The following HOMER2 variants were observed in gnomAD, a reference collection of about 807,000 sequenced individuals.
HOMER2 encodes the protein homer scaffold protein 2, also known as homer protein homolog 2.
HOMER2 carries 27 observed loss-of-function variants against 47.0 expected under a neutral mutation model. The ratio of observed to expected loss-of-function variants is 0.57; its 90% CI spans 0.42 to 0.79. The LOEUF (loss-of-function observed/expected upper bound fraction) is 0.79, where lower values mean the gene tolerates loss of function less well. Among genes scored for constraint, HOMER2 ranks in the 30% least tolerant of loss-of-function variants. HOMER2 has a pLI of 0.00. For synonymous variants in HOMER2, 161 were observed against 163.8 expected (o/e 0.98, Z 0.13); for missense variants, 443 against 435.0 (o/e 1.02, Z -0.16).
At chr15:82,983,100 A>G (rs990258508) in intron 1 of HOMER2, among the ~76,000 whole-genome samples, 7 of 152,252 alleles carry the variant, frequency 4.6e-5, no homozygotes, top group African/African-American at 1.7e-4. Flanking sequence ...AAACATGCTC[A>G]GAACACTTAC....
chr15:82,855,685 A>G (rs770793711), intron 5 of HOMER2, among the ~76,000 whole-genome samples: 3 of 152,212 alleles, frequency 2.0e-5, no homozygotes, highest in Non-Finnish European at 2.9e-5. Flanking sequence ...GGGGCACAAC[A>G]GGGGTCTGGA....
chr15:82,956,248 AAAAAAAAAAG>A (rs1294230818), upstream of HOMER2, among the ~76,000 whole-genome samples: 1 of 151,624 alleles, frequency 6.6e-6, no homozygotes, highest in Non-Finnish European at 1.5e-5. Flanking sequence ...TCAAAAAAAA[AAAAAAAAAAG>A]AAGAGGCTTG....
Position 82,864,266 on chromosome 15 carries a change from A to G in HOMER2, c.295-7T>C. 6.2e-7 allele frequency: 1 copy of G among 1,602,016 alleles called. No homozygotes were observed. The highest frequency in any genetic ancestry group is 8.5e-7 in the Non-Finnish European group (1 of 1,170,528). ...CCTGGAATTTCTCTGCAAACTGAAC[A>G]TGAAGAATAGTTATTAAGGCTTTTA... is the stretch of plus-strand genomic sequence containing the variant. On this transcript the variant is annotated splice_polypyrimidine_tract_variant and splice_region_variant and intron_variant, in intron 3 of 8. Transcript: ENST00000450735.
At chr15:82,900,555 T>C (rs1363923175) in intron 1 of HOMER2, among the ~76,000 whole-genome samples, 3 of 152,170 alleles carry the variant, frequency 2.0e-5, no homozygotes, top group Non-Finnish European at 2.9e-5. Context: ...ATCTCAGATA[T>C]TGAAATGTAT....
rs556410821 is a variant in HOMER2 at position 82,914,066 on chromosome 15, G to A, written c.6-21225C>T. Among the ~76,000 whole-genome samples the A allele has an allele frequency of 6.6e-5, 10 of 152,176 alleles. No homozygotes were observed. The East Asian group carries it at 1.9e-3, about 29-fold the overall frequency. ...AAAGGAATGAAAGTCGGCCAGGTGC[G>A]GTGGCTTATGCCTGTAATCCCAGAC... On this transcript the variant is annotated intron_variant, in intron 1 of 8. Transcript: ENST00000450735.
At chr15:82,952,728 CG>C (rs2054537038), upstream of HOMER2, 7 of 980,648 alleles carry the variant, frequency 7.1e-6, no homozygotes, top group Non-Finnish European at 8.5e-6. Flanking sequence ...CGCGGGCGGG[CG>C]GGGGCTGGGC....
At chr15:82,848,415 G>A (rs2051285743), downstream of HOMER2, among the ~76,000 whole-genome samples, 1 of 152,178 alleles carries the variant, frequency 6.6e-6, no homozygotes, top group Non-Finnish European at 1.5e-5. Flanking sequence ...AGCCATTATT[G>A]CCACACACGG....
chr15:82,858,253 T>C (rs2051652336), intron 5 of HOMER2, among the ~76,000 whole-genome samples: 1 of 152,190 alleles, frequency 6.6e-6, no homozygotes, highest in Admixed American at 6.5e-5. Context: ...TAATAGTTTA[T>C]GTTTTCACAT....
At chr15:82,935,131 T>C (rs1271505795) in intron 1 of HOMER2, among the ~76,000 whole-genome samples, 3 of 152,174 alleles carry the variant, frequency 2.0e-5, no homozygotes, top group African/African-American at 7.2e-5. Context: ...CTGCATCTCC[T>C]GCCTTCAATG....
intron 5 of HOMER2, among the ~76,000 whole-genome samples, chr15:82,856,827 G>A (rs2051603357): frequency 6.6e-6 from 1 of 152,182 alleles, no homozygotes; most frequent in East Asian, 1.9e-4. Context: ...GGCCAACTCT[G>A]TGGCGGCTCT....
intron 1 of HOMER2, among the ~76,000 whole-genome samples, chr15:82,919,134 G>A (rs1443402784): frequency 1.3e-5 from 2 of 152,156 alleles, no homozygotes; most frequent in African/African-American, 2.4e-5. Flanking sequence ...TATTTTCCAT[G>A]TGTCCGTGAC....
At chr15:82,839,891 A>G (rs2051158990) in exon 2 of HOMER2, 1 of 152,224 alleles carries the variant, frequency 6.6e-6, no homozygotes, top group South Asian at 2.1e-4. Context: ...AGGTCTCAAG[A>G]AAACATCCAT....
chr15:82,846,384 T>A (rs1043949458), downstream of HOMER2: 5 of 152,230 alleles, frequency 3.3e-5, no homozygotes, highest in Non-Finnish European at 4.4e-5. Context: ...TAACAAACAT[T>A]CCTAAATGTC....
intron 5 of HOMER2, among the ~76,000 whole-genome samples, chr15:82,858,725 ACT>A (rs1485341252): frequency 3.3e-5 from 5 of 151,788 alleles, no homozygotes; most frequent in African/African-American, 7.3e-5. Context: ...AATCACACAC[ACT>A]CTGACACTAC....
chr15:82,856,459 A>T (rs1201087376), intron 5 of HOMER2, among the ~76,000 whole-genome samples: 1 of 152,164 alleles, frequency 6.6e-6, no homozygotes, highest in South Asian at 2.1e-4. Context: ...CTACAAAAAT[A>T]AAAATAAAAA....
At chr15:82,851,742 A>G (rs1239831150) in intron 7 of HOMER2, among the ~76,000 whole-genome samples, 1 of 152,262 alleles carries the variant, frequency 6.6e-6, no homozygotes, top group African/African-American at 2.4e-5. Context: ...AGCCTGGGCA[A>G]CATAATGAGA....
chr15:82,836,074 A>G (rs547650008), downstream of HOMER2: 2 of 152,348 alleles, frequency 1.3e-5, no homozygotes, highest in East Asian at 3.9e-4. Context: ...ATCCTTTTCA[A>G]AAGAACGTTC....
chr15:82,854,817 G>A lies in HOMER2; in HGVS notation c.495-17C>T. 6.2e-7 allele frequency: 1 copy of A among 1,602,048 alleles called. No homozygotes were observed. Among genetic ancestry groups the A allele is most frequent in the East Asian group, 2.2e-5 (1 of 44,738 alleles). On this transcript the variant is annotated splice_polypyrimidine_tract_variant and intron_variant, in intron 5 of 8. Transcript: ENST00000450735. ...TTGGCTGCGCTGCAGGACAGGGACG[G>A]GCGGTGACGACGGGGTGGGTGCTGT... is the stretch of plus-strand genomic sequence containing the variant.
At chr15:82,917,580 C>T (rs1243790855) in intron 1 of HOMER2, among the ~76,000 whole-genome samples, 1 of 152,172 alleles carries the variant, frequency 6.6e-6, no homozygotes, top group Non-Finnish European at 1.5e-5. Flanking sequence ...AGCAGCAAAC[C>T]CCAGTGTATG....
Sources: gnomAD v4.1 joint callset for allele counts (sites outside exome capture counted in the v4.1 genomes callset) on GRCh38, gnomAD v4.1.1 for gene constraint, MANE v1.5 for transcripts, NCBI Gene and HGNC (gene_info 2026-07-23, HGNC 2026-07-21) for gene names.